FGF14: variants seen among roughly 807,000 people sequenced by gnomAD.
The protein encoded by FGF14 is fibroblast growth factor 14, also known as fibroblast growth factor homologous factor 4.
Under a neutral mutation model 25.5 loss-of-function variants are expected in FGF14, and 5 were observed. The ratio of observed to expected loss-of-function variants is 0.20; its 90% CI spans 0.10 to 0.41. The LOEUF (loss-of-function observed/expected upper bound fraction) is 0.41, where lower values mean the gene tolerates loss of function less well. Among genes scored for constraint, FGF14 ranks in the 10% least tolerant of loss-of-function variants. The pLI, the probability that FGF14 is intolerant of heterozygous loss-of-function variation, is 1.00. For missense variants in FGF14, 222 were observed against 320.1 expected (o/e 0.69, Z 2.34); for synonymous variants, 138 against 118.3 (o/e 1.17, Z -1.08).
intron 1 of FGF14, among the ~76,000 whole-genome samples, chr13:101,931,476 A>G (rs1456062371): frequency 4.6e-5 from 7 of 152,092 alleles, no homozygotes; most frequent in Admixed American, 2.0e-4. Flanking sequence ...AATTATCTCA[A>G]TTCTCTGAAA....
chr13:102,356,029 G>A (rs60897996), intron 1 of FGF14, among the ~76,000 whole-genome samples: 1 of 152,108 alleles, frequency 6.6e-6, no homozygotes, highest in Non-Finnish European at 1.5e-5. Context: ...TTGCCATTTA[G>A]AAGTCACTTG....
intron 3 of FGF14, among the ~76,000 whole-genome samples, chr13:101,830,601 G>C (rs1038418359): frequency 2.6e-5 from 4 of 152,084 alleles, no homozygotes; most frequent in African/African-American, 9.7e-5. Flanking sequence ...TTGATCCTAA[G>C]TAAGTCACTT....
At chr13:102,388,329 T>G (rs1205814760) in intron 1 of FGF14, among the ~76,000 whole-genome samples, 2 of 152,160 alleles carry the variant, frequency 1.3e-5, no homozygotes, top group Non-Finnish European at 2.9e-5. Flanking sequence ...AGGCTCAAAT[T>G]GTATAGAAAG....
intron 1 of FGF14, among the ~76,000 whole-genome samples, chr13:102,331,908 T>C (rs2056644752): frequency 6.6e-6 from 1 of 152,146 alleles, no homozygotes; most frequent in African/African-American, 2.4e-5. Flanking sequence ...AAATTCCCCA[T>C]AGCAGAGACA....
chr13:102,002,565 GC>G (rs1305599149), intron 1 of FGF14: 1 of 163,256 alleles, frequency 6.1e-6, no homozygotes, highest in Non-Finnish European at 1.4e-5. Context: ...AATGGAATGT[GC>G]AGCCTACCAA....
At chr13:101,999,232 TAAG>T (rs2039349670) in intron 1 of FGF14, among the ~76,000 whole-genome samples, 1 of 152,200 alleles carries the variant, frequency 6.6e-6, no homozygotes. Context: ...TAATAAGTGA[TAAG>T]AAACACTGAA....
At chr13:102,267,165 A>T (rs1447926577) in intron 1 of FGF14, among the ~76,000 whole-genome samples, 2 of 152,132 alleles carry the variant, frequency 1.3e-5, no homozygotes, top group Admixed American at 6.6e-5. Context: ...TTATTATTAT[A>T]CTTTAAGTTA....
rs573580350 is a variant in FGF14 at position 102,382,234 on chromosome 13, A to G, written c.208+19237T>C. On this transcript the variant is annotated intron_variant, in intron 1 of 4. Transcript: ENST00000376131. Reference sequence around the variant, plus strand: ...GGGATAAAATACTTCTAAATCATATACCTGATAAGAAACTTGTATCTAGAA... The same window carrying G: ...GGGATAAAATACTTCTAAATCATATGCCTGATAAGAAACTTGTATCTAGAA... Among the ~76,000 whole-genome samples, 17 of 152,260 alleles carry G rather than the reference A, an allele frequency of 1.1e-4. No homozygotes were observed. The South Asian group carries it at 3.5e-3, about 32-fold the overall frequency.
At chr13:102,275,262 T>TCTTTCTCTCTCTCTCTCTCTC (rs1555391875) in intron 1 of FGF14, among the ~76,000 whole-genome samples, 26 of 68,980 alleles carry the variant, frequency 3.8e-4, no homozygotes, top group African/African-American at 1.2e-3. Flanking sequence ...CTCTCTCTCT[T>TCTTTCTCTCTCTCTCTCTCTC]TCTCTCTCTC....
rs374851861 is a variant in FGF14, at chr13:101,894,587, A to G, written c.194-19291T>C. Reference sequence around the variant, plus strand: ...CCCATTTTAACCTACTATTTCTGCCAAGAGGCTCTTTATAGCATGTTATAT... The same window carrying G: ...CCCATTTTAACCTACTATTTCTGCCGAGAGGCTCTTTATAGCATGTTATAT... On this transcript the variant is annotated intron_variant, in intron 1 of 4. Transcript: ENST00000376143. 4.7e-4 allele frequency among the ~76,000 whole-genome samples: 71 copies of G among 152,310 alleles called. No homozygotes were observed. In the East Asian group the frequency reaches 0.011, roughly 24 times the overall value.
chr13:102,010,438 A>G (rs781445795), intron 1 of FGF14, among the ~76,000 whole-genome samples: 2 of 152,156 alleles, frequency 1.3e-5, no homozygotes, highest in Non-Finnish European at 1.5e-5. Flanking sequence ...TAATAACACA[A>G]CTAATCAACT....
chr13:102,370,039 T>G (rs1049319475), intron 1 of FGF14, among the ~76,000 whole-genome samples: 4 of 152,156 alleles, frequency 2.6e-5, no homozygotes, highest in Non-Finnish European at 4.4e-5. Flanking sequence ...TTGCCTAAGC[T>G]GGAGTGCAGT....
At position 101,722,838 on chromosome 13, in the gene FGF14, G is replaced by GTCTTAC. The variant is rs772928912; in HGVS notation, c.731_736dup (p.Ser244_Lys245dup). 1 of 1,613,230 alleles carries GTCTTAC rather than the reference G, an allele frequency of 6.2e-7. No individual in the cohort carries two copies. Among genetic ancestry groups the GTCTTAC allele is most frequent in the Non-Finnish European group, 8.5e-7 (1 of 1,179,510 alleles). ...ACACCTGTGAGGATCTGGCTATGTT[G>GTCTTAC]TCTTACTCTTGTTGACTGGTTTGCC... On this transcript the variant is annotated inframe_insertion, in exon 5 of 5. Transcript: ENST00000376143.
chr13:102,363,724 G>A (rs1175973113), intron 1 of FGF14, among the ~76,000 whole-genome samples: 2 of 152,146 alleles, frequency 1.3e-5, no homozygotes, highest in African/African-American at 2.4e-5. Context: ...GCCTGTGACC[G>A]CTGTTGGGAG....
At chr13:101,818,641 A>G (rs1594361802) in intron 3 of FGF14, among the ~76,000 whole-genome samples, 1 of 152,350 alleles carries the variant, frequency 6.6e-6, no homozygotes, top group East Asian at 1.9e-4. Flanking sequence ...AGATATTAAT[A>G]GGTATCTTAA....
intron 3 of FGF14, among the ~76,000 whole-genome samples, chr13:101,795,436 T>C (rs1471598664): frequency 6.6e-6 from 1 of 152,074 alleles, no homozygotes; most frequent in East Asian, 1.9e-4. Flanking sequence ...ACTAGTAACT[T>C]AGACCTTCTG....
chr13:102,008,104 C>T (rs914740166), intron 1 of FGF14, among the ~76,000 whole-genome samples: 1 of 152,130 alleles, frequency 6.6e-6, no homozygotes, highest in Admixed American at 6.6e-5. Context: ...CCTCTAATTC[C>T]ATCTTATTAG....
At chr13:102,220,803 T>C (rs1235841281) in intron 1 of FGF14, among the ~76,000 whole-genome samples, 2 of 152,224 alleles carry the variant, frequency 1.3e-5, no homozygotes, top group Non-Finnish European at 2.9e-5. Context: ...CATAAGATTA[T>C]ACAAGTTAAC....
At chr13:101,988,765 G>C (rs1269948898) in intron 1 of FGF14, among the ~76,000 whole-genome samples, 1 of 151,490 alleles carries the variant, frequency 6.6e-6, no homozygotes, top group Non-Finnish European at 1.5e-5. Flanking sequence ...TTAATGATGA[G>C]TTAATGGGTG....
Sources: allele counts gnomAD v4.1 joint callset (sites outside exome capture counted in the v4.1 genomes callset), GRCh38; gene constraint gnomAD v4.1.1; transcripts MANE v1.5; gene names NCBI Gene and HGNC (gene_info 2026-07-23, HGNC 2026-07-21).